DDAH1: variants seen among roughly 807,000 people sequenced by gnomAD.
DDAH1 encodes the protein N(G),N(G)-dimethylarginine dimethylaminohydrolase 1.
DDAH1 carries 19 observed loss-of-function variants against 28.8 expected under a neutral mutation model. That is an observed-to-expected ratio of 0.66 (90% CI 0.46 to 0.97). The LOEUF is 0.97. DDAH1 is among the 50% of genes least tolerant of loss of function. The pLI, the probability that DDAH1 is intolerant of heterozygous loss-of-function variation, is 0.00. For synonymous variants in DDAH1, 153 were observed against 154.4 expected (o/e 0.99, Z 0.07); for missense variants, 326 against 375.9 (o/e 0.87, Z 1.10).
intron 4 of DDAH1, among the ~76,000 whole-genome samples, chr1:85,339,461 T>G (rs968330256): frequency 6.6e-6 from 1 of 152,208 alleles, no homozygotes; most frequent in Non-Finnish European, 1.5e-5. Context: ...GAAAATGAGA[T>G]TTAGAAATAT....
intron 4 of DDAH1, among the ~76,000 whole-genome samples, chr1:85,325,343 A>ATGCACGTGCG (rs1285415068): frequency 5.6e-4 from 81 of 145,336 alleles, no homozygotes; most frequent in African/African-American, 1.5e-3. Context: ...ACGTGTGTGC[A>ATGCACGTGCG]TGCACGTGCG....
intron 1 of DDAH1, among the ~76,000 whole-genome samples, chr1:85,497,464 T>C (rs1656640357): frequency 6.6e-6 from 1 of 152,252 alleles, no homozygotes. Flanking sequence ...TACTAACTGT[T>C]AAATTGGCCC....
At position 85,363,398 on chromosome 1, in the gene DDAH1, CTAT is replaced by C. The variant is rs150753317; in HGVS notation, c.304-4554_304-4552del. Among the ~76,000 whole-genome samples the C allele has an allele frequency of 4.9e-3, 749 of 152,322 alleles. 4 individuals carry two copies. Among genetic ancestry groups the C allele is most frequent in the African/African-American group, 0.018 (732 of 41,564 alleles). ...AGCTGTGCTATCACCAATGTCACCA[CTAT>C]GTTTTCAATGCCTGCTTAAGTTGTC... On this transcript the variant is annotated intron_variant, in intron 1 of 5. Coordinates refer to ENST00000284031, the MANE Select transcript of DDAH1 (RefSeq NM_012137.4).
intron 1 of DDAH1, among the ~76,000 whole-genome samples, chr1:85,373,211 G>A (rs1233670802): frequency 6.6e-6 from 1 of 151,946 alleles, no homozygotes; most frequent in Admixed American, 6.6e-5. Context: ...ACTTCCTCCT[G>A]GATAGTACCA....
At chr1:85,359,201 C>A (rs1484729900) in intron 1 of DDAH1, among the ~76,000 whole-genome samples, 1 of 152,146 alleles carries the variant, frequency 6.6e-6, no homozygotes, top group Admixed American at 6.5e-5. Flanking sequence ...CTGACCAGTT[C>A]GGCCACTGTT....
At chr1:85,369,222 ATTT>A (rs34408053) in intron 1 of DDAH1, among the ~76,000 whole-genome samples, 28 of 133,766 alleles carry the variant, frequency 2.1e-4, no homozygotes, top group Admixed American at 5.2e-4. Flanking sequence ...CCAATGGCCA[ATTT>A]TTTTTTTTTT....
intron 4 of DDAH1, among the ~76,000 whole-genome samples, chr1:85,345,868 T>G (rs1193419196): frequency 6.6e-6 from 1 of 152,174 alleles, no homozygotes; most frequent in Non-Finnish European, 1.5e-5. Context: ...CCATCTTAAA[T>G]GAATCAATGA....
chr1:85,417,520 A>G (rs1557604294), intron 1 of DDAH1, among the ~76,000 whole-genome samples: 1 of 152,194 alleles, frequency 6.6e-6, no homozygotes, highest in Admixed American at 6.5e-5. Context: ...GTTGACTGAG[A>G]AGTCCAATCA....
chr1:85,444,875 A>G (rs565732095), intron 1 of DDAH1, among the ~76,000 whole-genome samples: 22 of 152,324 alleles, frequency 1.4e-4, no homozygotes, highest in African/African-American at 5.3e-4. Flanking sequence ...ATATATAAAT[A>G]AAAAGGAGTT....
chr1:85,493,380 T>G (rs144300669), intron 2 of DDAH1: 14 of 152,134 alleles, frequency 9.2e-5, no homozygotes, highest in Admixed American at 2.6e-4. Flanking sequence ...CTTAAAAAAT[T>G]TTTCAAAAGC....
chr1:85,526,548 T>C (rs529721355), intron 1 of DDAH1, among the ~76,000 whole-genome samples: 2 of 151,960 alleles, frequency 1.3e-5, no homozygotes. Flanking sequence ...GGAGTGAGAA[T>C]TGTGAGACCT....
chr1:85,399,766 T>C (rs1012270973), intron 1 of DDAH1: 1 of 152,240 alleles, frequency 6.6e-6, no homozygotes, highest in African/African-American at 2.4e-5. Flanking sequence ...TCTATTTTTC[T>C]GCCTCCCTGT....
intron 1 of DDAH1, among the ~76,000 whole-genome samples, chr1:85,441,114 T>C (rs762044409): frequency 1.3e-5 from 2 of 152,172 alleles, no homozygotes; most frequent in Admixed American, 6.5e-5. Flanking sequence ...ATGCAGATAA[T>C]AACAGAATTA....
At position 85,409,016 on chromosome 1, in the gene DDAH1, A is replaced by G. The variant is rs17127190; in HGVS notation, c.304-50169T>C. On this transcript the variant is annotated intron_variant, in intron 1 of 5. Coordinates refer to ENST00000284031, the MANE Select transcript of DDAH1 (RefSeq NM_012137.4). ...CCTTTCCATTCCCACAGTAACTGAT[A>G]GTCTAGACCAAACTTGTCCAACCCA... Among the ~76,000 whole-genome samples the G allele has an allele frequency of 6.9e-3, 1,058 of 152,282 alleles. 33 individuals carry two copies. The East Asian group carries it at 0.08, about 12-fold the overall frequency.
chr1:85,463,538 C>T (rs1316158044), intron 1 of DDAH1, among the ~76,000 whole-genome samples: 1 of 152,180 alleles, frequency 6.6e-6, no homozygotes, highest in East Asian at 1.9e-4. Context: ...TAGCAGAGAT[C>T]TGTTACTCTT....
intron 1 of DDAH1, among the ~76,000 whole-genome samples, chr1:85,528,803 G>A (rs1182027230): frequency 7.2e-5 from 11 of 152,062 alleles, no homozygotes; most frequent in Non-Finnish European, 1.3e-4. Flanking sequence ...GTGAAACCCC[G>A]TCTCTACTAA....
At chr1:85,575,547 C>A (rs898595252) in intron 1 of DDAH1, among the ~76,000 whole-genome samples, 2 of 152,246 alleles carry the variant, frequency 1.3e-5, no homozygotes, top group Admixed American at 6.5e-5. Flanking sequence ...TTTTCTCCCT[C>A]CTTCCTAAGA....
intron 1 of DDAH1, among the ~76,000 whole-genome samples, chr1:85,577,084 T>C (rs1004417089): frequency 6.6e-6 from 1 of 151,864 alleles, no homozygotes; most frequent in African/African-American, 2.4e-5. Context: ...ACCTCGATTC[T>C]TGGCAACCGC....
At chr1:85,520,854 T>C (rs1188407569) in intron 1 of DDAH1, among the ~76,000 whole-genome samples, 1 of 152,192 alleles carries the variant, frequency 6.6e-6, no homozygotes, top group Non-Finnish European at 1.5e-5. Flanking sequence ...TGCAATTAAA[T>C]AGAAGAGGTA....
Sources: gnomAD v4.1 joint callset for allele counts (sites outside exome capture counted in the v4.1 genomes callset) on GRCh38, gnomAD v4.1.1 for gene constraint, MANE v1.5 for transcripts, NCBI Gene and HGNC (gene_info 2026-07-23, HGNC 2026-07-21) for gene names.